Variants in RBPMS observed in about 807,000 individuals in gnomAD.
The protein encoded by RBPMS is RNA-binding protein with multiple splicing.
Under a neutral mutation model 26.8 loss-of-function variants are expected in RBPMS, and 7 were observed. That is an observed-to-expected ratio of 0.26 (90% CI 0.15 to 0.49). The LOEUF (loss-of-function observed/expected upper bound fraction) is 0.49. RBPMS is among the 20% of genes least tolerant of loss of function. The pLI is 0.98. For missense variants in RBPMS, 186 were observed against 250.0 expected (o/e 0.74, Z 1.73); for synonymous variants, 96 against 93.3 (o/e 1.03, Z -0.17).
In RBPMS at chr8:30,412,081, A is replaced by C. The variant is rs569717690; in HGVS notation, c.66+26923A>C. Among the ~76,000 whole-genome samples the C allele has an allele frequency of 2.6e-5, 4 of 152,276 alleles. No individual in the cohort carries two copies. The East Asian group carries it at 7.7e-4, about 29-fold the overall frequency. On this transcript the variant is annotated intron_variant, in intron 1 of 8. Coordinates refer to ENST00000397323, the MANE Select transcript of RBPMS (RefSeq NM_001008710.3). ...GCAAGTGTTTGTTCAGTTACTGACA[A>C]AGTCGAGGCTTGTCTGGTGGTGAAC...
At chr8:30,495,921 C>G (rs184407383) in intron 4 of RBPMS, among the ~76,000 whole-genome samples, 2 of 152,306 alleles carry the variant, frequency 1.3e-5, no homozygotes, top group African/African-American at 2.4e-5. Flanking sequence ...CACACACACA[C>G]GCTCTATTGG....
chr8:30,544,580 C>T lies in RBPMS; in HGVS notation c.484C>T (p.Leu162=). The T allele has an allele frequency of 1.2e-6, 2 of 1,614,190 alleles. No homozygotes were observed. Among genetic ancestry groups the T allele is most frequent in the Non-Finnish European group, 1.7e-6 (2 of 1,180,032 alleles). The change falls in exon 6 of 9, where the codon CTA becomes TTA. Residue 162 remains leucine, a synonymous_variant. Coordinates refer to ENST00000397323, the MANE Select transcript of RBPMS (RefSeq NM_001008710.3). Reference sequence around the variant, plus strand: ...GTACCCAGCGGAGTTAGCGCCTGCTCTACCTCCTCCTGCTTTCACCTATCC... The same window carrying T: ...GTACCCAGCGGAGTTAGCGCCTGCTTTACCTCCTCCTGCTTTCACCTATCC... The part of the protein sequence containing the change: ...PLYPAELAPA[L]PPPAFTYPAS...
chr8:30,414,856 G>C (rs1244543271), intron 1 of RBPMS, among the ~76,000 whole-genome samples: 1 of 152,096 alleles, frequency 6.6e-6, no homozygotes, highest in African/African-American at 2.4e-5. Flanking sequence ...TGGCCTCCAT[G>C]ACACCACACT....
chr8:30,549,104 G>A (rs1010733088), intron 6 of RBPMS, among the ~76,000 whole-genome samples: 5 of 152,186 alleles, frequency 3.3e-5, no homozygotes, highest in African/African-American at 1.2e-4. Flanking sequence ...CCTCCTGTAC[G>A]GTGGCCAGTG....
At chr8:30,471,503 A>G (rs1817103593) in intron 1 of RBPMS, among the ~76,000 whole-genome samples, 1 of 152,240 alleles carries the variant, frequency 6.6e-6, no homozygotes, top group Non-Finnish European at 1.5e-5. Flanking sequence ...GCACCATGAC[A>G]CTTAGAACGT....
At chr8:30,566,420 T>A in intron 8 of RBPMS, 60 bp downstream of exon 8, 1 of 474,754 alleles carries the variant, frequency 2.1e-6, no homozygotes, top group Non-Finnish European at 2.8e-6. Context: ...ACGTGGGAAC[T>A]GTGGGCCTCT....
chr8:30,390,738 A>G (rs531747840), intron 1 of RBPMS, among the ~76,000 whole-genome samples: 1 of 152,130 alleles, frequency 6.6e-6, no homozygotes, highest in Non-Finnish European at 1.5e-5. Context: ...ACTCCTGGTT[A>G]TTATTTTTTT....
intron 1 of RBPMS, among the ~76,000 whole-genome samples, chr8:30,461,247 A>G (rs954482007): frequency 2.0e-5 from 3 of 152,200 alleles, no homozygotes; most frequent in African/African-American, 7.2e-5. Flanking sequence ...TATAATCTAA[A>G]TAGGCCCCTT....
intron 1 of RBPMS, among the ~76,000 whole-genome samples, chr8:30,431,616 A>G (rs1563312495): frequency 2.6e-5 from 4 of 151,800 alleles, no homozygotes; most frequent in Admixed American, 2.6e-4. Context: ...ATGCCCAGCT[A>G]ATTTTTGTAT....
At chr8:30,445,670 A>ATATATATATATATATG in intron 1 of RBPMS, among the ~76,000 whole-genome samples, 1 of 144,102 alleles carries the variant, frequency 6.9e-6, no homozygotes, top group South Asian at 2.2e-4. Context: ...ATATATATAT[A>ATATATATATATATATG]TATATGTATT....
intron 1 of RBPMS, among the ~76,000 whole-genome samples, chr8:30,473,533 T>C (rs1041804769): frequency 1.3e-5 from 2 of 152,186 alleles, no homozygotes; most frequent in Non-Finnish European, 2.9e-5. Flanking sequence ...GAAGACAGTA[T>C]GGCGATTCCT....
rs55916453 is a variant in RBPMS, at chr8:30,549,745, T to TC, written c.528+5122dup. On this transcript the variant is annotated intron_variant, in intron 6 of 8. Coordinates refer to ENST00000397323, the MANE Select transcript of RBPMS (RefSeq NM_001008710.3). Reference sequence around the variant, plus strand: ...GAGGCGATTTCTTTCTTTCTTTCTTTCTTTCCTTTTCTTTTCTTTTCTTTT... The same window carrying TC: ...GAGGCGATTTCTTTCTTTCTTTCTTTCCTTTCCTTTTCTTTTCTTTTCTTTT... Among the ~76,000 whole-genome samples the TC allele has an allele frequency of 4.1e-3, 560 of 135,368 alleles. 7 individuals are homozygous for TC. The highest frequency in any genetic ancestry group is 5.8e-3 in the Non-Finnish European group (369 of 64,026). The allele number at this position is 135,368 out of a possible 152,430, so 88.8% of individuals were successfully genotyped here. A position where few individuals can be genotyped will look rare whatever the true frequency, so the allele number is the denominator to read the frequency against.
At chr8:30,505,714 C>G (rs1403619466) in intron 5 of RBPMS, among the ~76,000 whole-genome samples, 3 of 152,044 alleles carry the variant, frequency 2.0e-5, no homozygotes, top group African/African-American at 7.2e-5. Context: ...CTTATAGTAT[C>G]TAGCTTAATA....
chr8:30,553,321 G>T (rs1826552307), intron 6 of RBPMS: 1 of 152,224 alleles, frequency 6.6e-6, no homozygotes, highest in African/African-American at 2.4e-5. Flanking sequence ...TTTTAGAAAT[G>T]GAGGTGAGGG....
intron 1 of RBPMS, among the ~76,000 whole-genome samples, chr8:30,423,567 G>T (rs148483064): frequency 1.1e-4 from 16 of 149,320 alleles, no homozygotes; most frequent in African/African-American, 3.0e-4. Context: ...TTCTTCTTTC[G>T]TCTCTCTTTT....
At chr8:30,390,446 A>G (rs919347633) in intron 1 of RBPMS, among the ~76,000 whole-genome samples, 1 of 152,194 alleles carries the variant, frequency 6.6e-6, no homozygotes, top group Admixed American at 6.5e-5. Context: ...GGGCCCTCCA[A>G]TGCCCCGAAT....
chr8:30,538,035 A>G (rs934423104), intron 5 of RBPMS, among the ~76,000 whole-genome samples: 2 of 152,180 alleles, frequency 1.3e-5, no homozygotes, highest in African/African-American at 2.4e-5. Context: ...AATCAATGCT[A>G]TAGGTTTATG....
chr8:30,445,528 A>G (rs1244168028), intron 1 of RBPMS, among the ~76,000 whole-genome samples: 1 of 151,592 alleles, frequency 6.6e-6, no homozygotes, highest in African/African-American at 2.4e-5. Context: ...TTCTTTTAAA[A>G]ATTCTCTGTA....
At chr8:30,498,158 A>G (rs1450126583) in intron 4 of RBPMS, among the ~76,000 whole-genome samples, 2 of 151,828 alleles carry the variant, frequency 1.3e-5, no homozygotes, top group East Asian at 3.8e-4. Context: ...GGATCAACAG[A>G]TCAGAATGGA....
Sources: gnomAD v4.1 joint callset for allele counts (sites outside exome capture counted in the v4.1 genomes callset) on GRCh38, gnomAD v4.1.1 for gene constraint, MANE v1.5 for transcripts, NCBI Gene and HGNC (gene_info 2026-07-23, HGNC 2026-07-21) for gene names.